The following HIVEP2 variants were observed in gnomAD, a reference collection of about 807,000 sequenced individuals.
The protein encoded by HIVEP2 is HIVEP zinc finger 2, also known as transcription factor HIVEP2.
HIVEP2 carries 14 observed loss-of-function variants against 180.7 expected under a neutral mutation model. The observed-to-expected ratio is 0.08, with a 90% CI of 0.05 to 0.12. HIVEP2 has a LOEUF of 0.12. HIVEP2 is among the 10% of genes least tolerant of loss of function. The pLI is 1.00. For missense variants in HIVEP2, 2,579 were observed against 3,008.5 expected, an observed-to-expected ratio of 0.86 and a Z score of 3.34; for synonymous variants, 1,184 against 1,136.4, an observed-to-expected ratio of 1.04 and a Z score of -0.84.
chr6:142,918,529 G>A (rs1344753450), intron 1 of HIVEP2, among the ~76,000 whole-genome samples: 3 of 152,160 alleles, frequency 2.0e-5, no homozygotes, highest in Non-Finnish European at 4.4e-5. Flanking sequence ...GCTTTGCGAC[G>A]CTGCAGGCCT....
rs150379943 is a variant in HIVEP2 at position 142,792,013 on chromosome 6, T to C, written c.-527-8398A>G. On this transcript the variant is annotated intron_variant, in intron 2 of 9. Coordinates refer to ENST00000367603, the MANE Select transcript of HIVEP2 (RefSeq NM_006734.4). ...GCTCAGATTTGCAGGCAGAGATGCA[T>C]TTAATGTGAGGTTATTATCGTGACA... Among the ~76,000 whole-genome samples the C allele has an allele frequency of 1.5e-3, 236 of 152,278 alleles. 1 individual carries two copies. The highest frequency in any genetic ancestry group is 4.6e-3 in the African/African-American group (192 of 41,562).
chr6:142,795,861 G>A (rs1420794364), intron 2 of HIVEP2, among the ~76,000 whole-genome samples: 1 of 152,136 alleles, frequency 6.6e-6, no homozygotes, highest in Non-Finnish European at 1.5e-5. Flanking sequence ...CTCAGTGCAA[G>A]GCTGTTTCCA....
intron 1 of HIVEP2, among the ~76,000 whole-genome samples, chr6:142,851,866 A>G (rs955424247): frequency 2.0e-5 from 3 of 152,228 alleles, no homozygotes; most frequent in Non-Finnish European, 4.4e-5. Context: ...ACAGAACCTC[A>G]CGGTGGAAGA....
chr6:142,928,043 A>G (rs1040648368), intron 1 of HIVEP2, among the ~76,000 whole-genome samples: 10 of 152,262 alleles, frequency 6.6e-5, no homozygotes, highest in African/African-American at 2.4e-4. Context: ...AATGTTTCAC[A>G]TCAGGACATG....
intron 2 of HIVEP2, among the ~76,000 whole-genome samples, chr6:142,806,767 TG>T (rs1341273527): frequency 6.6e-6 from 1 of 152,178 alleles, no homozygotes; most frequent in Non-Finnish European, 1.5e-5. Flanking sequence ...GATGTTCTTA[TG>T]CTCAGCTTTT....
chr6:142,880,158 C>T (rs1460129150), intron 1 of HIVEP2, among the ~76,000 whole-genome samples: 1 of 152,094 alleles, frequency 6.6e-6, no homozygotes, highest in Admixed American at 6.6e-5. Flanking sequence ...AGGAATATTT[C>T]CCAGGATTCT....
At chr6:142,861,607 T>C (rs1582921052) in intron 1 of HIVEP2, among the ~76,000 whole-genome samples, 4 of 152,314 alleles carry the variant, frequency 2.6e-5, no homozygotes, top group Admixed American at 2.6e-4. Flanking sequence ...TATGAAACAG[T>C]AATATCCCAA....
At chr6:142,778,378 A>T (rs1336245373) in intron 3 of HIVEP2, among the ~76,000 whole-genome samples, 1 of 152,246 alleles carries the variant, frequency 6.6e-6, no homozygotes, top group African/African-American at 2.4e-5. Context: ...ATGTAGACAC[A>T]ACCTCTGCCA....
In HIVEP2 at chr6:142,772,539, T is replaced by A; in HGVS notation, c.2200A>T (p.Met734Leu). Reference protein sequence around the residue: ...MASDYDPKLQMQEGVRSGFAM... With the variant: ...MASDYDPKLQLQEGVRSGFAM... ...AATCCACTCCTGACTCCTTCCTGCA[T>A]CTGCAGTTTGGGGTCATAATCGGAA... The change falls in exon 5 of 10, where the codon ATG becomes TTG. Residue 734 changes from methionine (M) to leucine (L), a missense_variant. This residue lies in a region of HIVEP2 where 524 missense variants were observed against 563.6 expected (regional missense o/e 0.93). Transcript: ENST00000367603. This position sits in a 1 kb window ranked among gnomAD's most constrained non-coding sequence, Gnocchi z 4.9. 1.2e-6 allele frequency: 2 copies of A among 1,614,176 alleles called. No individual in the cohort carries two copies. Among genetic ancestry groups the A allele is most frequent in the Non-Finnish European group, 8.5e-7 (1 of 1,180,034 alleles).
intron 2 of HIVEP2, among the ~76,000 whole-genome samples, chr6:142,786,215 C>T (rs943351841): frequency 2.0e-5 from 3 of 152,132 alleles, no homozygotes; most frequent in African/African-American, 7.2e-5. Flanking sequence ...AAGAAATCAA[C>T]AGTTTACATA....
chr6:142,802,707 A>C (rs1343720023), intron 2 of HIVEP2, among the ~76,000 whole-genome samples: 1 of 152,202 alleles, frequency 6.6e-6, no homozygotes, highest in Non-Finnish European at 1.5e-5. Flanking sequence ...TTTCTAAAAA[A>C]GAATCACTCC....
intron 2 of HIVEP2, among the ~76,000 whole-genome samples, chr6:142,803,120 T>C (rs1274398669): frequency 6.6e-6 from 1 of 152,200 alleles, no homozygotes; most frequent in Non-Finnish European, 1.5e-5. Flanking sequence ...TCAAGATTGC[T>C]AGTGTATTTA....
intron 1 of HIVEP2, among the ~76,000 whole-genome samples, chr6:142,893,372 G>A (rs886629961): frequency 3.3e-5 from 5 of 152,230 alleles, no homozygotes; most frequent in African/African-American, 1.2e-4. Context: ...TTCCTAATGC[G>A]GCAAGTGTGC....
intron 2 of HIVEP2, among the ~76,000 whole-genome samples, chr6:142,795,769 G>A (rs570912537): frequency 2.6e-5 from 4 of 152,234 alleles, no homozygotes; most frequent in East Asian, 1.9e-4. Context: ...ATGAGAAAAC[G>A]GATGCTCAGA....
chr6:142,804,751 T>G (rs1776504423), intron 2 of HIVEP2, among the ~76,000 whole-genome samples: 1 of 152,118 alleles, frequency 6.6e-6, no homozygotes. Context: ...TAATAGATGG[T>G]CTGTGGGAGA....
chr6:142,927,533 G>T (rs971313200), intron 1 of HIVEP2, among the ~76,000 whole-genome samples: 1 of 152,096 alleles, frequency 6.6e-6, no homozygotes, highest in African/African-American at 2.4e-5. Context: ...GTTTCTAAAA[G>T]CATATTCTAT....
chr6:142,875,527 C>T (rs1037466440), intron 1 of HIVEP2, among the ~76,000 whole-genome samples: 1 of 152,152 alleles, frequency 6.6e-6, no homozygotes, highest in Non-Finnish European at 1.5e-5. Context: ...AGAGCTTTTG[C>T]AGCCTACAAG....
chr6:142,922,020 G>A (rs764607876), intron 1 of HIVEP2, among the ~76,000 whole-genome samples: 10 of 152,160 alleles, frequency 6.6e-5, no homozygotes, highest in East Asian at 3.8e-4. Flanking sequence ...CTTCGTTGGC[G>A]TCTAAGACGT....
chr6:142,918,079 TAATTTTAAC>T (rs1777603241), intron 1 of HIVEP2, among the ~76,000 whole-genome samples: 1 of 151,868 alleles, frequency 6.6e-6, no homozygotes. Context: ...GGAGCGTCTG[TAATTTTAAC>T]AAGAACAATG....
Sources: gnomAD v4.1 joint callset for allele counts (sites outside exome capture counted in the v4.1 genomes callset) on GRCh38, gnomAD v4.1.1 for gene constraint, gnomAD v4.1.1 regional missense constraint, Gnocchi (gnomAD v3.1) non-coding constraint, MANE v1.5 for transcripts, NCBI Gene and HGNC (gene_info 2026-07-23, HGNC 2026-07-21) for gene names.